The following RGS3 variants were observed in gnomAD, a reference collection of about 807,000 sequenced individuals.
The protein encoded by RGS3 is regulator of G-protein signalling 3.
RGS3 carries 80 observed loss-of-function variants against 132.6 expected under a neutral mutation model. That is an observed-to-expected ratio of 0.60 (90% confidence interval 0.50 to 0.73). The LOEUF (loss-of-function observed/expected upper bound fraction) is 0.73, where lower values mean the gene tolerates loss of function less well. Among genes scored for constraint, RGS3 ranks in the 30% least tolerant of loss-of-function variants. The pLI, the probability that RGS3 is intolerant of heterozygous loss-of-function variation, is 0.00. For synonymous variants in RGS3, 598 were observed against 620.6 expected, an observed-to-expected ratio of 0.96 and a Z score of 0.54; for missense variants, 1,382 against 1,530.8, an observed-to-expected ratio of 0.90 and a Z score of 1.62.
chr9:113,494,993 G>C (rs1253638100), intron 7 of RGS3, among the ~76,000 whole-genome samples: 1 of 152,086 alleles, frequency 6.6e-6, no homozygotes. Context: ...TCCTGCCTCA[G>C]CCTCCTGAGT....
At chr9:113,584,079 G>C (rs771376630) in exon 20 of RGS3, 1 of 1,614,198 alleles carries the variant, frequency 6.2e-7, no homozygotes, top group Non-Finnish European at 8.5e-7. Flanking sequence ...AGGAGGTGGA[G>C]GAGGGGGAGG....
intron 1 of RGS3, among the ~76,000 whole-genome samples, chr9:113,452,834 T>C (rs914083816): frequency 1.4e-5 from 2 of 147,926 alleles, no homozygotes; most frequent in African/African-American, 5.0e-5. Context: ...TCCCACCTTT[T>C]GTGTTTTTTA....
At chr9:113,585,339 A>G (rs1264591833) in intron 20 of RGS3, among the ~76,000 whole-genome samples, 1 of 152,234 alleles carries the variant, frequency 6.6e-6, no homozygotes, top group East Asian at 1.9e-4. Flanking sequence ...AATAGCACTC[A>G]CATCCCAGAA....
At chr9:113,580,863 C>G (rs932820151) in intron 19 of RGS3, 1 of 985,560 alleles carries the variant, frequency 1.0e-6, no homozygotes, top group South Asian at 4.7e-5. Flanking sequence ...ACCACTGGGA[C>G]AGGCCTGGGC....
chr9:113,565,974 T>TCTGTTGGCTGCTCCCC lies in RGS3; in HGVS notation c.2038-17475_2038-17460dup, dbSNP rs1254021139. 6.6e-6 allele frequency among the ~76,000 whole-genome samples: 1 copy of TCTGTTGGCTGCTCCCC among 151,958 alleles called. No individual in the cohort carries two copies. Among genetic ancestry groups the TCTGTTGGCTGCTCCCC allele is most frequent in the Non-Finnish European group, 1.5e-5 (1 of 68,004 alleles). On this transcript the variant is annotated intron_variant, in intron 19 of 24. Transcript: ENST00000350696. The surrounding 1 kb of genome is among the most constrained non-coding windows in gnomAD (Gnocchi z 5.7). ...CCTGCAAGTTTTGGGGGATGCTTCC[T>TCTGTTGGCTGCTCCCC]CTGTTGGCTGCTCCCCACTTCTAGG...
chr9:113,528,998 C>T (rs1187408503), intron 17 of RGS3, among the ~76,000 whole-genome samples: 1 of 152,212 alleles, frequency 6.6e-6, no homozygotes, highest in East Asian at 1.9e-4. Context: ...ATTCCTTGGG[C>T]CAGGCTGACC....
In RGS3 at chr9:113,583,676, G is replaced by A; in HGVS notation, c.2264G>A (p.Gly755Asp). The change falls in exon 20 of 25, where the codon GGC becomes GAC. Residue 755 changes from glycine (G) to aspartate (D), a missense_variant. Coordinates refer to ENST00000350696, the Ensembl canonical transcript of RGS3. Reference sequence around the variant, plus strand: ...GCTACCTCTGAAGGATCCCCTCCAGGCCCAGATGCTCCGCCCAGCAAGGAT... The same window carrying A: ...GCTACCTCTGAAGGATCCCCTCCAGACCCAGATGCTCCGCCCAGCAAGGAT... The A allele has an allele frequency of 6.2e-7, 1 of 1,613,906 alleles. No homozygotes were observed. Among genetic ancestry groups the A allele is most frequent in the Non-Finnish European group, 8.5e-7 (1 of 1,179,938 alleles).
chr9:113,542,189 T>C (rs1356684490), intron 19 of RGS3: 1 of 151,982 alleles, frequency 6.6e-6, no homozygotes, highest in Non-Finnish European at 1.5e-5. Context: ...AGTCCTGGAC[T>C]TGGGGAAGAG....
chr9:113,448,284 C>T (rs1829158416), intron 1 of RGS3, among the ~76,000 whole-genome samples: 1 of 152,108 alleles, frequency 6.6e-6, no homozygotes, highest in African/African-American at 2.4e-5. Flanking sequence ...ACTTGGTTTA[C>T]AAGCCTCACA....
At position 113,463,970 on chromosome 9, in the gene RGS3, T is replaced by G; in HGVS notation, c.415+1769T>G. On this transcript the variant is annotated intron_variant, in intron 3 of 24. Transcript: ENST00000350696. This position sits in a 1 kb window ranked among gnomAD's most constrained non-coding sequence, Gnocchi z 4.6. ...AGCCCCTCGTGGTGACAGGGGAGGC[T>G]GGGAGCAGGTGCTCTTTCTATCTAG... 7.2e-7 allele frequency: 1 copy of G among 1,380,986 alleles called. No individual in the cohort carries two copies. Among genetic ancestry groups the G allele is most frequent in the African/African-American group, 1.5e-5 (1 of 68,684 alleles). 85.5% of individuals were successfully genotyped at this position (1,380,986 alleles called of 1,614,324 possible).
chr9:113,530,167 A>G (rs910831858), intron 18 of RGS3, among the ~76,000 whole-genome samples: 4 of 152,232 alleles, frequency 2.6e-5, no homozygotes, highest in African/African-American at 9.6e-5. Flanking sequence ...GCCAAGAGGA[A>G]CACACCCCTT....
chr9:113,450,868 G>A (rs747175300), intron 1 of RGS3, among the ~76,000 whole-genome samples: 1 of 152,032 alleles, frequency 6.6e-6, no homozygotes, highest in Non-Finnish European at 1.5e-5. Flanking sequence ...AGTTTCAGCA[G>A]TGTGGTGAGG....
chr9:113,536,824 C>G (rs752933619), exon 19 of RGS3: 1 of 1,613,996 alleles, frequency 6.2e-7, no homozygotes, highest in Non-Finnish European at 8.5e-7. Flanking sequence ...ACTTTGGAAG[C>G]GCACTCGCAG....
At chr9:113,467,855 C>A (rs1024978033) in intron 3 of RGS3, among the ~76,000 whole-genome samples, 4 of 152,106 alleles carry the variant, frequency 2.6e-5, no homozygotes, top group African/African-American at 9.7e-5. Context: ...GCTGGTACTA[C>A]AGATGTGCAC....
At chr9:113,539,978 A>G (rs115183714) in intron 19 of RGS3, among the ~76,000 whole-genome samples, 76 of 151,842 alleles carry the variant, frequency 5.0e-4, no homozygotes, top group African/African-American at 1.6e-3. Context: ...GGCTCTTTCT[A>G]TCTCTCCAAG....
chr9:113,583,853 G>C, exon 20 of RGS3: 1 of 1,613,968 alleles, frequency 6.2e-7, no homozygotes, highest in South Asian at 1.1e-5. Context: ...CTTCCACCCT[G>C]TCAAGATCTG....
chr9:113,564,903 CG>C, intron 19 of RGS3: 1 of 992,182 alleles, frequency 1.0e-6, no homozygotes, highest in Non-Finnish European at 1.2e-6. Flanking sequence ...GGAACAGCGT[CG>C]GGGTGGGGGT....
rs985441290 is a variant in RGS3 at position 113,507,771 on chromosome 9, T to G, written c.1437+133T>G. 1.6e-5 allele frequency: 11 copies of G among 681,212 alleles called. No individual in the cohort carries two copies. In the South Asian group the frequency reaches 3.7e-4, roughly 23 times the overall value. The allele number at this position is 681,212 out of a possible 1,614,324, so 42.2% of individuals were successfully genotyped here. A position where few individuals can be genotyped will look rare whatever the true frequency, so the allele number is the denominator to read the frequency against. The stretch of plus-strand genomic sequence containing the variant: ...ATGTTGGGCAAGGAGATGGGGTATG[T>G]GCTAGCTCTGCCTTCTGCAAGGCTG... On this transcript the variant is annotated intron_variant, in intron 13 of 24. Coordinates refer to ENST00000350696, the Ensembl canonical transcript of RGS3. The surrounding 1 kb of genome is among the most constrained non-coding windows in gnomAD (Gnocchi z 5.0).
At chr9:113,572,177 G>A (rs751281006) in intron 19 of RGS3, among the ~76,000 whole-genome samples, 4 of 152,132 alleles carry the variant, frequency 2.6e-5, no homozygotes, top group Admixed American at 6.6e-5. Context: ...GTTGGCGGGG[G>A]CAGAACACAC....
Sources: allele counts gnomAD v4.1 joint callset (sites outside exome capture counted in the v4.1 genomes callset), GRCh38; gene constraint gnomAD v4.1.1; non-coding constraint Gnocchi (gnomAD v3.1); transcripts MANE v1.5; gene names NCBI Gene and HGNC (gene_info 2026-07-23, HGNC 2026-07-21).